Variants in BBS9 observed in about 807,000 individuals in gnomAD.
BBS9 encodes Bardet-Biedl syndrome 9, also known as protein PTHB1.
In BBS9, 89 loss-of-function variants were observed where a neutral mutation model predicts 117.7. The observed-to-expected ratio is 0.76, with a 90% CI of 0.64 to 0.90. The LOEUF (loss-of-function observed/expected upper bound fraction) is 0.90, where lower values mean the gene tolerates loss of function less well. Ranked by LOEUF, BBS9 falls within the 40% of genes least tolerant of loss-of-function variation. The pLI, the probability that BBS9 is intolerant of heterozygous loss-of-function variation, is 0.00. For missense variants in BBS9, 982 were observed against 1,042.2 expected (o/e 0.94, Z 0.80); for synonymous variants, 379 against 370.9 (o/e 1.02, Z -0.25).
chr7:33,566,687 ATTAG>A (rs536708327), intron 21 of BBS9, among the ~76,000 whole-genome samples: 100 of 152,220 alleles, frequency 6.6e-4, no homozygotes, highest in African/African-American at 1.4e-3. Flanking sequence ...AACAAGGTGA[ATTAG>A]TTAGTCATTA....
At chr7:33,201,090 T>A (rs1264270695) in intron 5 of BBS9, among the ~76,000 whole-genome samples, 1 of 152,170 alleles carries the variant, frequency 6.6e-6, no homozygotes, top group Non-Finnish European at 1.5e-5. Flanking sequence ...CTGAGGTTGT[T>A]TTCTTACTCT....
Position 33,497,929 on chromosome 7 carries a change from A to G in BBS9, c.2116-7534A>G, listed in dbSNP as rs902272082. ...AATGTCATTATTAATCTAATAGAAA[A>G]AGCAGAATTTTCCTGGTGTTACTAA... On this transcript the variant is annotated intron_variant, in intron 19 of 22. Transcript: ENST00000242067. Among the ~76,000 whole-genome samples the G allele has an allele frequency of 5.3e-5, 8 of 152,156 alleles. No individual in the cohort carries two copies. In the East Asian group the frequency reaches 1.5e-3, roughly 29 times the overall value.
At chr7:33,260,004 C>T (rs376675642) in intron 6 of BBS9, among the ~76,000 whole-genome samples, 11 of 139,502 alleles carry the variant, frequency 7.9e-5, no homozygotes, top group South Asian at 4.5e-4. Context: ...AGACTTTTTT[C>T]TTTTTTTTTT....
At chr7:33,569,984 G>A (rs1172559448) in intron 21 of BBS9, among the ~76,000 whole-genome samples, 2 of 152,074 alleles carry the variant, frequency 1.3e-5, no homozygotes, top group Admixed American at 1.3e-4. Context: ...TGATTATGTA[G>A]GTAATACATG....
rs1319461506 is a variant in BBS9 at position 33,421,862 on chromosome 7, A to G, written c.2115+33718A>G. 2.0e-5 allele frequency among the ~76,000 whole-genome samples: 3 copies of G among 152,314 alleles called. No homozygotes were observed. The South Asian group carries it at 6.2e-4, about 32-fold the overall frequency. On this transcript the variant is annotated intron_variant, in intron 19 of 22. Coordinates refer to ENST00000242067, the MANE Select transcript of BBS9 (RefSeq NM_198428.3). ...CTTGAAAATTAGCATGGTGTATTTT[A>G]CTTGCTTTTCTTTTCAATATAACTT...
chr7:33,171,872 G>A (rs895233058), intron 4 of BBS9, among the ~76,000 whole-genome samples: 1 of 152,054 alleles, frequency 6.6e-6, no homozygotes, highest in Admixed American at 6.5e-5. Context: ...TGGGTGCCAA[G>A]TAGCCTCATG....
chr7:33,450,180 G>A (rs953622239), intron 19 of BBS9, among the ~76,000 whole-genome samples: 5 of 152,106 alleles, frequency 3.3e-5, no homozygotes, highest in Admixed American at 2.6e-4. Flanking sequence ...CTCAGTATTC[G>A]TCTATGCTGT....
intron 19 of BBS9, among the ~76,000 whole-genome samples, chr7:33,460,863 G>A (rs1362230): frequency 5.9e-5 from 9 of 151,830 alleles, no homozygotes; most frequent in East Asian, 1.9e-4. Flanking sequence ...AAAGTAAAAC[G>A]CCTTACCCAA....
intron 21 of BBS9, among the ~76,000 whole-genome samples, chr7:33,553,636 G>A (rs1012937487): frequency 6.6e-6 from 1 of 152,140 alleles, no homozygotes; most frequent in Non-Finnish European, 1.5e-5. Context: ...CTAAATAGCA[G>A]CATCTGTAAA....
intron 20 of BBS9, among the ~76,000 whole-genome samples, chr7:33,520,086 G>A (rs372164807): frequency 4.0e-5 from 6 of 149,808 alleles, no homozygotes; most frequent in African/African-American, 7.4e-5. Flanking sequence ...TCAGCTCACC[G>A]CAACCTCCGC....
chr7:33,191,533 C>T (rs1784117560), intron 5 of BBS9, among the ~76,000 whole-genome samples: 1 of 152,148 alleles, frequency 6.6e-6, no homozygotes, highest in Admixed American at 6.5e-5. Flanking sequence ...CAGGAGAGGC[C>T]AGCAGTGGTG....
chr7:33,546,633 C>A (rs752715889), intron 21 of BBS9, among the ~76,000 whole-genome samples: 3 of 152,172 alleles, frequency 2.0e-5, no homozygotes, highest in Non-Finnish European at 4.4e-5. Flanking sequence ...TACTGAAATA[C>A]TCATTATTCT....
At chr7:33,333,294 A>G in intron 9 of BBS9, among the ~76,000 whole-genome samples, 1 of 152,124 alleles carries the variant, frequency 6.6e-6, no homozygotes, top group East Asian at 1.9e-4. Flanking sequence ...TCTCACTTAT[A>G]AGTGAGAACA....
chr7:33,363,291 T>C (rs1294771791), intron 16 of BBS9, among the ~76,000 whole-genome samples: 1 of 152,080 alleles, frequency 6.6e-6, no homozygotes, highest in Non-Finnish European at 1.5e-5. Context: ...TTAGTAGAGA[T>C]GGAGTTTCAC....
intron 19 of BBS9, among the ~76,000 whole-genome samples, chr7:33,441,513 A>T (rs1454556843): frequency 6.6e-6 from 1 of 152,174 alleles, no homozygotes; most frequent in Non-Finnish European, 1.5e-5. Context: ...TCATTTAATG[A>T]TATTTTGGAT....
chr7:33,489,080 C>T (rs1376720347), intron 19 of BBS9, among the ~76,000 whole-genome samples: 1 of 150,202 alleles, frequency 6.7e-6, no homozygotes, highest in African/African-American at 2.5e-5. Context: ...GCAACCTCCG[C>T]CTCCTGGATT....
downstream of BBS9, among the ~76,000 whole-genome samples, chr7:33,609,580 C>G (rs1002594146): frequency 6.6e-6 from 1 of 152,078 alleles, no homozygotes; most frequent in African/African-American, 2.4e-5. Flanking sequence ...TCTTAACAGG[C>G]AAGAAATTCT....
chr7:33,318,587 A>G (rs1461586381), intron 9 of BBS9, among the ~76,000 whole-genome samples: 1 of 152,076 alleles, frequency 6.6e-6, no homozygotes, highest in Non-Finnish European at 1.5e-5. Context: ...TTTAAAAAAT[A>G]TTTTAATTTC....
At chr7:33,331,578 G>A (rs1234602384) in intron 9 of BBS9, among the ~76,000 whole-genome samples, 3 of 150,406 alleles carry the variant, frequency 2.0e-5, no homozygotes, top group Non-Finnish European at 4.4e-5. Context: ...CAAAATCAAT[G>A]TACGTAGATC....
Sources: allele counts gnomAD v4.1 joint callset (sites outside exome capture counted in the v4.1 genomes callset), GRCh38; gene constraint gnomAD v4.1.1; transcripts MANE v1.5; gene names NCBI Gene and HGNC (gene_info 2026-07-23, HGNC 2026-07-21).